Variants in ELAVL2 observed in about 807,000 individuals in gnomAD.
ELAVL2 encodes ELAV like RNA binding protein 2.
In ELAVL2, 4 loss-of-function variants were observed where a neutral mutation model predicts 34.6. The ratio of observed to expected loss-of-function variants is 0.12; its 90% CI spans 0.06 to 0.26. The LOEUF (loss-of-function observed/expected upper bound fraction) is 0.26. Among genes scored for constraint, ELAVL2 ranks in the 10% least tolerant of loss-of-function variants. ELAVL2 has a pLI of 1.00. For missense variants in ELAVL2, 432 were observed against 442.8 expected, an observed-to-expected ratio of 0.98 and a Z score of 0.22; for synonymous variants, 193 against 154.8, an observed-to-expected ratio of 1.25 and a Z score of -1.83.
chr9:23,703,245 C>T (rs565837223), intron 4 of ELAVL2, among the ~76,000 whole-genome samples: 1 of 152,262 alleles, frequency 6.6e-6, no homozygotes, highest in Non-Finnish European at 1.5e-5. Context: ...TAGGTGAAAC[C>T]TACTCTCAAT....
At chr9:23,701,977 A>G (rs1051531648) in intron 4 of ELAVL2, among the ~76,000 whole-genome samples, 4 of 152,174 alleles carry the variant, frequency 2.6e-5, no homozygotes, top group Admixed American at 2.6e-4. Flanking sequence ...GTGCTATTGG[A>G]TAAGCAGCTC....
intron 3 of ELAVL2, among the ~76,000 whole-genome samples, chr9:23,725,089 A>AC (rs2044739275): frequency 6.6e-6 from 1 of 152,150 alleles, no homozygotes; most frequent in South Asian, 2.1e-4. Context: ...AGCCAGAAAA[A>AC]CACTAGGGTG....
intron 2 of ELAVL2, among the ~76,000 whole-genome samples, chr9:23,753,906 T>C (rs947462095): frequency 6.6e-6 from 1 of 152,200 alleles, no homozygotes; most frequent in South Asian, 2.1e-4. Context: ...TTACAAAGTT[T>C]GTGTTTTCTA....
rs138638679 is a variant in ELAVL2, at chr9:23,750,176, T to C, written c.229+11830A>G. Among the ~76,000 whole-genome samples the C allele has an allele frequency of 4.0e-5, 6 of 151,856 alleles. No homozygotes were observed. In the East Asian group the frequency reaches 7.8e-4, roughly 20 times the overall value. ...CAGAGAACTAAAATATCAAATAGAG[T>C]AAGAAACTAACCCCAGAAGATTCCA... On this transcript the variant is annotated intron_variant, in intron 2 of 6. Coordinates refer to ENST00000397312, the MANE Select transcript of ELAVL2 (RefSeq NM_004432.5).
intron 1 of ELAVL2, among the ~76,000 whole-genome samples, chr9:23,799,995 T>G (rs942081564): frequency 6.6e-6 from 1 of 152,160 alleles, no homozygotes; most frequent in Non-Finnish European, 1.5e-5. Flanking sequence ...TCTTTCCCTA[T>G]GCAAGATTTG....
chr9:23,713,726 C>A (rs3829089), intron 3 of ELAVL2, among the ~76,000 whole-genome samples: 25,504 of 151,974 alleles, frequency 0.17, 2,622 homozygotes, highest in South Asian at 0.35. Flanking sequence ...AGCTTAGCAC[C>A]AGGTTCAAAA....
intron 1 of ELAVL2, chr9:23,783,553 C>T (rs3793592): frequency 1.0e-6 from 1 of 957,178 alleles, no homozygotes; most frequent in African/African-American, 1.8e-5. Flanking sequence ...TTAGTCACCA[C>T]TAAAAGGACA....
At chr9:23,811,322 C>A (rs1360074875) in intron 1 of ELAVL2, among the ~76,000 whole-genome samples, 1 of 146,992 alleles carries the variant, frequency 6.8e-6, no homozygotes, top group Admixed American at 7.0e-5. Flanking sequence ...TGTTCGATCA[C>A]CTTTCAAGGA....
intron 3 of ELAVL2, among the ~76,000 whole-genome samples, chr9:23,723,434 G>A (rs1002938504): frequency 6.6e-6 from 1 of 151,894 alleles, no homozygotes. Context: ...GGACGGGGGA[G>A]GGATAGCATT....
intron 2 of ELAVL2, among the ~76,000 whole-genome samples, chr9:23,758,055 A>G (rs189313620): frequency 6.3e-4 from 96 of 152,246 alleles, no homozygotes; most frequent in African/African-American, 2.3e-3. Context: ...CTGTAACCCA[A>G]TTAACGCACA....
intron 2 of ELAVL2, among the ~76,000 whole-genome samples, chr9:23,757,553 C>T (rs1348211447): frequency 6.6e-6 from 1 of 151,620 alleles, no homozygotes; most frequent in East Asian, 1.9e-4. Flanking sequence ...TTCCTTGCAT[C>T]ATAAAATCCA....
At chr9:23,782,946 G>C (rs1012892260) in intron 1 of ELAVL2, among the ~76,000 whole-genome samples, 1 of 152,086 alleles carries the variant, frequency 6.6e-6, no homozygotes, top group African/African-American at 2.4e-5. Flanking sequence ...TCCAATCCCA[G>C]CTTCCCATCT....
intron 3 of ELAVL2, among the ~76,000 whole-genome samples, chr9:23,726,384 G>A (rs1423192147): frequency 6.6e-6 from 1 of 152,064 alleles, no homozygotes; most frequent in Non-Finnish European, 1.5e-5. Context: ...ATAGCTGAAT[G>A]ATTAAGGAAA....
Position 23,750,037 on chromosome 9 carries a change from A to T in ELAVL2, c.229+11969T>A, listed in dbSNP as rs989257828. 6.6e-5 allele frequency among the ~76,000 whole-genome samples: 10 copies of T among 151,996 alleles called. No homozygotes were observed. The East Asian group carries it at 1.7e-3, about 26-fold the overall frequency. On this transcript the variant is annotated intron_variant, in intron 2 of 6. Coordinates refer to ENST00000397312, the MANE Select transcript of ELAVL2 (RefSeq NM_004432.5). Reference sequence around the variant, plus strand: ...GGGTACTGTCTTAAAAAAGGAAAAAAAAAAAAAAGACTCTTTAAAAGTCGG... The same window carrying T: ...GGGTACTGTCTTAAAAAAGGAAAAATAAAAAAAAGACTCTTTAAAAGTCGG...
At chr9:23,825,336 A>G (rs959439451) in intron 1 of ELAVL2, among the ~76,000 whole-genome samples, 2 of 152,192 alleles carry the variant, frequency 1.3e-5, no homozygotes, top group Non-Finnish European at 2.9e-5. Context: ...AGCACATGCT[A>G]TCTGGTTAAT....
At chr9:23,839,703 A>T in the ELAVL2 span, among the ~76,000 whole-genome samples, 1 of 152,166 alleles carries the variant, frequency 6.6e-6, no homozygotes, top group Non-Finnish European at 1.5e-5. Flanking sequence ...TCATTTTTGC[A>T]ATGAAATTAA....
chr9:23,817,719 G>C (rs184652905), intron 1 of ELAVL2, among the ~76,000 whole-genome samples: 115 of 152,224 alleles, frequency 7.6e-4, no homozygotes, highest in Non-Finnish European at 8.5e-4. Flanking sequence ...TTACTAAAAT[G>C]AAACATATGA....
chr9:23,772,534 C>A (rs796988991), intron 1 of ELAVL2, among the ~76,000 whole-genome samples: 989 of 67,142 alleles, frequency 0.015, 8 homozygotes, highest in African/African-American at 0.038. Context: ...CAGCTTACAC[C>A]AAAAAAAAAA....
At chr9:23,796,695 G>T (rs536893230) in intron 1 of ELAVL2, among the ~76,000 whole-genome samples, 57 of 152,282 alleles carry the variant, frequency 3.7e-4, no homozygotes, top group Admixed American at 3.2e-3. Flanking sequence ...TCTATACGTA[G>T]AGTTAGTTCC....
Sources: allele counts gnomAD v4.1 joint callset (sites outside exome capture counted in the v4.1 genomes callset), GRCh38; gene constraint gnomAD v4.1.1; transcripts MANE v1.5; gene names NCBI Gene and HGNC (gene_info 2026-07-23, HGNC 2026-07-21).